FGF14: variants seen among roughly 807,000 people sequenced by gnomAD.
The protein encoded by FGF14 is fibroblast growth factor homologous factor 4.
A neutral mutation model predicts 25.5 loss-of-function variants in FGF14; 5 were observed. That is an observed-to-expected ratio of 0.20 (90% CI 0.10 to 0.41). The LOEUF (loss-of-function observed/expected upper bound fraction) is 0.41, where lower values mean the gene tolerates loss of function less well. FGF14 is among the 10% of genes least tolerant of loss of function. FGF14 has a pLI of 1.00. For synonymous variants in FGF14, 138 were observed against 118.3 expected (o/e 1.17, Z -1.08); for missense variants, 222 against 320.1 (o/e 0.69, Z 2.34).
At chr13:101,981,398 T>C (rs1269212438) in intron 1 of FGF14, among the ~76,000 whole-genome samples, 1 of 152,134 alleles carries the variant, frequency 6.6e-6, no homozygotes, top group Non-Finnish European at 1.5e-5. Context: ...ATACCAAATC[T>C]GCCAGCACCT....
At chr13:102,237,281 T>C (rs900392455) in intron 1 of FGF14, among the ~76,000 whole-genome samples, 18 of 152,132 alleles carry the variant, frequency 1.2e-4, no homozygotes, top group African/African-American at 4.3e-4. Context: ...TGAGAACATC[T>C]GAAAAACGTG....
intron 3 of FGF14, among the ~76,000 whole-genome samples, chr13:101,808,245 T>C (rs1169168802): frequency 1.3e-5 from 2 of 152,106 alleles, no homozygotes; most frequent in Admixed American, 6.6e-5. Flanking sequence ...TCTGTGAATC[T>C]ACTAAATATC....
At chr13:101,858,460 A>G (rs1180604529) in intron 3 of FGF14, among the ~76,000 whole-genome samples, 1 of 152,062 alleles carries the variant, frequency 6.6e-6, no homozygotes, top group Non-Finnish European at 1.5e-5. Context: ...TTTTTGTAAC[A>G]TGGAGAGTGA....
intron 3 of FGF14, among the ~76,000 whole-genome samples, chr13:101,790,579 C>T (rs761666032): frequency 3.3e-5 from 5 of 152,004 alleles, no homozygotes; most frequent in Non-Finnish European, 5.9e-5. Context: ...ATTAAGTGTA[C>T]ATTGTTAAAA....
At chr13:102,084,354 C>A (rs1168757561) in intron 1 of FGF14, among the ~76,000 whole-genome samples, 2 of 151,988 alleles carry the variant, frequency 1.3e-5, no homozygotes, top group African/African-American at 4.8e-5. Context: ...AGTCATATGC[C>A]CCAGCACAAA....
Position 101,714,579 on chromosome 13 carries a change from C to A in FGF14, c.*8252G>T. The A allele has an allele frequency of 1.5e-6, 2 of 1,313,514 alleles. No individual in the cohort carries two copies. Among genetic ancestry groups the A allele is most frequent in the Non-Finnish European group, 2.2e-6 (2 of 906,614 alleles). The allele number at this position is 1,313,514 out of a possible 1,614,324, so 81.4% of individuals were successfully genotyped here. ...GCAGTATTAACCTTTTCTAATTGCT[C>A]TATGCCACAGTTTGTTATAGAGCCA... On this transcript the variant is annotated 3_prime_UTR_variant, in exon 5 of 5. Coordinates refer to ENST00000376143, the MANE Select transcript of FGF14 (RefSeq NM_004115.4).
chr13:102,124,385 T>C (rs1356018657), intron 1 of FGF14, among the ~76,000 whole-genome samples: 1 of 152,080 alleles, frequency 6.6e-6, no homozygotes, highest in East Asian at 1.9e-4. Context: ...GATTATACTC[T>C]TAAGAGGAAA....
Position 102,324,492 on chromosome 13 carries a change from A to G in FGF14, c.208+76979T>C, listed in dbSNP as rs369234284. 1.6e-3 allele frequency among the ~76,000 whole-genome samples: 248 copies of G among 152,330 alleles called. 2 individuals are homozygous for G. Among genetic ancestry groups the G allele is most frequent in the African/African-American group, 5.5e-3 (229 of 41,590 alleles). ...GCTATGCATCCTGAGATGCAATCAT[A>G]AACAATACCTAGCTTTCTTCCCACC... On this transcript the variant is annotated intron_variant, in intron 1 of 4. Coordinates refer to the FGF14 transcript ENST00000376131.
chr13:101,725,362 A>C (rs1323368508), intron 4 of FGF14, among the ~76,000 whole-genome samples: 1 of 151,924 alleles, frequency 6.6e-6, no homozygotes, highest in African/African-American at 2.4e-5. Context: ...AGAATAATTC[A>C]CTCATATTTC....
At chr13:102,168,354 T>C (rs576720260) in intron 1 of FGF14, among the ~76,000 whole-genome samples, 1 of 151,194 alleles carries the variant, frequency 6.6e-6, no homozygotes, top group East Asian at 1.9e-4. Flanking sequence ...ATTTTTGTAG[T>C]TTTTTGTAGA....
chr13:102,269,736 G>A (rs2053155669), intron 1 of FGF14, among the ~76,000 whole-genome samples: 1 of 152,064 alleles, frequency 6.6e-6, no homozygotes. Context: ...CAGATGTGGT[G>A]GCACATACCT....
In FGF14 at chr13:101,884,777, C is replaced by T. The variant is rs542112843; in HGVS notation, c.194-9481G>A. 9.5e-4 allele frequency among the ~76,000 whole-genome samples: 145 copies of T among 152,002 alleles called. 1 individual carries two copies. Among genetic ancestry groups the T allele is most frequent in the African/African-American group, 3.4e-3 (139 of 41,474 alleles). On this transcript the variant is annotated intron_variant, in intron 1 of 4. Coordinates refer to ENST00000376143, the MANE Select transcript of FGF14 (RefSeq NM_004115.4). The stretch of plus-strand genomic sequence containing the variant: ...AGAAAAAAAGCATACCTTATTTAAA[C>T]GGTGGAAATGTATTATCATTTAAAA...
intron 1 of FGF14, among the ~76,000 whole-genome samples, chr13:101,894,390 T>C (rs942808887): frequency 6.6e-6 from 1 of 152,254 alleles, no homozygotes; most frequent in Non-Finnish European, 1.5e-5. Flanking sequence ...ACATAAAATA[T>C]TAGCAGTAGA....
intron 3 of FGF14, among the ~76,000 whole-genome samples, chr13:101,776,943 C>T (rs1461972793): frequency 6.6e-6 from 1 of 152,180 alleles, no homozygotes; most frequent in Non-Finnish European, 1.5e-5. Flanking sequence ...CAAGGGTTGT[C>T]TCTCAGGCCT....
At chr13:101,798,342 T>C (rs917086957) in intron 3 of FGF14, among the ~76,000 whole-genome samples, 10 of 152,242 alleles carry the variant, frequency 6.6e-5, no homozygotes, top group African/African-American at 1.9e-4. Flanking sequence ...TTCTAATTAA[T>C]GATGTGTGTC....
At chr13:102,374,887 T>C (rs1474979746) in intron 1 of FGF14, among the ~76,000 whole-genome samples, 1 of 151,680 alleles carries the variant, frequency 6.6e-6, no homozygotes, top group African/African-American at 2.4e-5. Context: ...TGAAACAATT[T>C]CATTAAAATA....
chr13:102,395,943 TA>T (rs897101451), intron 1 of FGF14, among the ~76,000 whole-genome samples: 5 of 151,926 alleles, frequency 3.3e-5, no homozygotes, highest in African/African-American at 1.2e-4. Context: ...CTGACCAAAG[TA>T]AAAAAAATAG....
intron 1 of FGF14, among the ~76,000 whole-genome samples, chr13:102,144,125 C>A (rs1438217262): frequency 6.6e-6 from 1 of 152,156 alleles, no homozygotes; most frequent in African/African-American, 2.4e-5. Context: ...CAGTGGTCCT[C>A]CCACCTCAGC....
Position 101,722,650 on chromosome 13 carries a change from G to T in FGF14, c.*181C>A. On this transcript the variant is annotated 3_prime_UTR_variant, in exon 5 of 5. Transcript: ENST00000376143. ...TAGCTGGTTATCCAGGTGTCTTCTT[G>T]TTGTGGGGGGTGCAACAGGTTGAGA... The T allele has an allele frequency of 2.7e-6, 2 of 753,828 alleles. No homozygotes were observed. Among genetic ancestry groups the T allele is most frequent in the Non-Finnish European group, 4.4e-6 (2 of 454,282 alleles). 46.7% of individuals were successfully genotyped at this position (753,828 alleles called of 1,614,324 possible).
Sources: gnomAD v4.1 joint callset for allele counts (sites outside exome capture counted in the v4.1 genomes callset) on GRCh38, gnomAD v4.1.1 for gene constraint, MANE v1.5 for transcripts, NCBI Gene and HGNC (gene_info 2026-07-23, HGNC 2026-07-21) for gene names.